DEFB123: variants seen among roughly 807,000 people sequenced by gnomAD.
DEFB123 encodes beta-defensin 123.
For synonymous variants in DEFB123, 22 were observed against 28.3 expected, an observed-to-expected ratio of 0.78 and a Z score of 0.71; for missense variants, 71 against 75.0, an observed-to-expected ratio of 0.95 and a Z score of 0.20.
At chr20:31,445,291 CAAT>C (rs1979559833) in intron 1 of DEFB123, among the ~76,000 whole-genome samples, 1 of 152,162 alleles carries the variant, frequency 6.6e-6, no homozygotes, top group African/African-American at 2.4e-5. Context: ...CAATAGGAAT[CAAT>C]GATGCTCAAA....
At chr20:31,441,006 A>G (rs1979451032) in intron 1 of DEFB123, among the ~76,000 whole-genome samples, 1 of 152,154 alleles carries the variant, frequency 6.6e-6, no homozygotes, top group Non-Finnish European at 1.5e-5. Context: ...CTAGTGTGTG[A>G]GGAGGAGTGG....
chr20:31,441,818 G>C (rs1432919020), intron 1 of DEFB123, among the ~76,000 whole-genome samples: 1 of 152,106 alleles, frequency 6.6e-6, no homozygotes, highest in African/African-American at 2.4e-5. Flanking sequence ...CCAGACCCCG[G>C]GTTAAAACCT....
intron 1 of DEFB123, among the ~76,000 whole-genome samples, chr20:31,442,701 C>T (rs1033580357): frequency 6.6e-6 from 1 of 151,230 alleles, no homozygotes; most frequent in Non-Finnish European, 1.5e-5. Context: ...CTCCACCTCC[C>T]GGATTCAAGC....
chr20:31,449,317 G>A (rs1163360577), intron 1 of DEFB123, among the ~76,000 whole-genome samples: 1 of 152,008 alleles, frequency 6.6e-6, no homozygotes, highest in African/African-American at 2.4e-5. Flanking sequence ...AAGTTAGTGG[G>A]AATCAGATGA....
chr20:31,448,534 CT>C (rs35499267), intron 1 of DEFB123, among the ~76,000 whole-genome samples: 65,492 of 151,646 alleles, frequency 0.43, 16,602 homozygotes, highest in East Asian at 0.73. Flanking sequence ...ACACTCTGCT[CT>C]TTTTTCCCCC....
chr20:31,449,614 C>T lies in DEFB123; in HGVS notation c.59-415C>T, dbSNP rs141285587. ...TGCACAGAAAGGCACTTAAAGACTA[C>T]AGGGTGGGCCAGGCATAGTGGCACA... On this transcript the variant is annotated intron_variant, in intron 1 of 1. Transcript: ENST00000376309. Among the ~76,000 whole-genome samples, 296 of 151,914 alleles carry T rather than the reference C, an allele frequency of 1.9e-3. 3 individuals carry two copies. Among genetic ancestry groups the T allele is most frequent in the African/African-American group, 6.6e-3 (275 of 41,426 alleles).
At chr20:31,443,312 C>T (rs2122411266) in intron 1 of DEFB123, among the ~76,000 whole-genome samples, 1 of 152,256 alleles carries the variant, frequency 6.6e-6, no homozygotes, top group South Asian at 2.1e-4. Flanking sequence ...ACTGGTTTTC[C>T]TATCTCAGCC....
At chr20:31,448,878 ATTTTTTT>A (rs34804733) in intron 1 of DEFB123, among the ~76,000 whole-genome samples, 2 of 119,980 alleles carry the variant, frequency 1.7e-5, no homozygotes, top group African/African-American at 6.3e-5. Context: ...CGCCCAGCTA[ATTTTTTT>A]TTTTTTTTTT....
intron 1 of DEFB123, among the ~76,000 whole-genome samples, chr20:31,443,105 G>T (rs566184263): frequency 2.0e-5 from 3 of 152,170 alleles, no homozygotes; most frequent in Non-Finnish European, 4.4e-5. Flanking sequence ...CACGACCCTC[G>T]TTGGATGTGG....
At chr20:31,448,939 G>C (rs1979664393) in intron 1 of DEFB123, among the ~76,000 whole-genome samples, 1 of 149,890 alleles carries the variant, frequency 6.7e-6, no homozygotes, top group Non-Finnish European at 1.5e-5. Flanking sequence ...CGTTGGTCAG[G>C]CTGGTCTCGA....
intron 1 of DEFB123, among the ~76,000 whole-genome samples, chr20:31,447,120 G>A (rs1979608468): frequency 6.6e-6 from 1 of 151,964 alleles, no homozygotes; most frequent in Admixed American, 6.5e-5. Context: ...GAATTAGCCA[G>A]GCGTGGTGGC....
At chr20:31,448,299 T>C (rs999122173) in intron 1 of DEFB123, among the ~76,000 whole-genome samples, 2 of 152,188 alleles carry the variant, frequency 1.3e-5, no homozygotes, top group African/African-American at 2.4e-5. Context: ...TTTCACTTGA[T>C]TTTGCAATTT....
chr20:31,442,198 T>C (rs751029536), intron 1 of DEFB123, among the ~76,000 whole-genome samples: 2 of 152,192 alleles, frequency 1.3e-5, no homozygotes, highest in Non-Finnish European at 2.9e-5. Context: ...TATTTGTCTT[T>C]TCTGTTTTAA....
At chr20:31,440,882 C>T in intron 1 of DEFB123, 126 bp downstream of exon 1, 1 of 1,115,220 alleles carries the variant, frequency 9.0e-7, no homozygotes. Context: ...CAGGAGGCGC[C>T]TCACCAGCAG....
rs1979438828 is a variant in DEFB123, at chr20:31,440,646, A to G, written c.-53A>G. ...ACAGGCCAGGCACTCTCCTTCTCCCATTAGCTCAGCCGTGGCATCGGACTT... is the reference window on the plus strand; with the variant it reads ...ACAGGCCAGGCACTCTCCTTCTCCCGTTAGCTCAGCCGTGGCATCGGACTT... On this transcript the variant is annotated 5_prime_UTR_variant, in exon 1 of 2. Transcript: ENST00000376309. 1 of 1,610,002 alleles carries G rather than the reference A, an allele frequency of 6.2e-7. No homozygotes were observed. Among genetic ancestry groups the G allele is most frequent in the East Asian group, 2.2e-5 (1 of 44,864 alleles).
chr20:31,441,824 A>C (rs1374985437), intron 1 of DEFB123, among the ~76,000 whole-genome samples: 1 of 152,164 alleles, frequency 6.6e-6, no homozygotes, highest in African/African-American at 2.4e-5. Flanking sequence ...CCCGGGTTAA[A>C]ACCTGCCCCA....
intron 1 of DEFB123, among the ~76,000 whole-genome samples, chr20:31,446,862 G>A (rs1979597213): frequency 6.6e-6 from 1 of 150,436 alleles, no homozygotes; most frequent in Non-Finnish European, 1.5e-5. Context: ...ATCTTTTAAA[G>A]AAATGTCTCG....
In DEFB123 at chr20:31,443,665, G is replaced by A. The variant is rs184321321; in HGVS notation, c.58+2909G>A. 8.1e-4 allele frequency among the ~76,000 whole-genome samples: 123 copies of A among 152,328 alleles called. 1 individual carries two copies. Among genetic ancestry groups the A allele is most frequent in the Middle Eastern group, 3.4e-3 (1 of 294 alleles). ...GACTGCTAGCAGGAGACACACGAAA[G>A]GCCTTTGTCCCTAGCTTGTTGGTGG... On this transcript the variant is annotated intron_variant, in intron 1 of 1. Transcript: ENST00000376309.
chr20:31,442,361 A>G (rs1335492338), intron 1 of DEFB123, among the ~76,000 whole-genome samples: 2 of 152,240 alleles, frequency 1.3e-5, no homozygotes, highest in South Asian at 2.1e-4. Flanking sequence ...TGCTTCATTC[A>G]GTAAATACAG....
Sources: allele counts gnomAD v4.1 joint callset (sites outside exome capture counted in the v4.1 genomes callset), GRCh38; gene constraint gnomAD v4.1.1; transcripts MANE v1.5; gene names NCBI Gene and HGNC (gene_info 2026-07-23, HGNC 2026-07-21).